TG: variants seen among roughly 807,000 people sequenced by gnomAD.
TG encodes thyroglobulin.
A neutral mutation model predicts 324.7 loss-of-function variants in TG; 270 were observed. The ratio of observed to expected loss-of-function variants is 0.83; its 90% CI spans 0.75 to 0.92. TG has a LOEUF of 0.92. Among genes scored for constraint, TG ranks in the 40% least tolerant of loss-of-function variants. The pLI is 0.00. For missense variants in TG, 3,591 were observed against 3,456.4 expected (o/e 1.04, Z -0.98); for synonymous variants, 1,401 against 1,327.0 (o/e 1.06, Z -1.21).
intron 18 of TG, among the ~76,000 whole-genome samples, chr8:132,908,566 C>T (rs1819030275): frequency 6.6e-6 from 1 of 152,016 alleles, no homozygotes; most frequent in South Asian, 2.1e-4. Flanking sequence ...CTGTTAGAAA[C>T]AATGTTAGTG....
At chr8:132,980,232 G>C (rs923217506) in intron 34 of TG, among the ~76,000 whole-genome samples, 1 of 152,092 alleles carries the variant, frequency 6.6e-6, no homozygotes, top group Admixed American at 6.5e-5. Flanking sequence ...AAAGACCAAG[G>C]CAAGAGTAGA....
intron 14 of TG, 79 bp downstream of exon 14, chr8:132,898,989 G>A (rs191422513): frequency 9.5e-5 from 117 of 1,225,382 alleles, no homozygotes; most frequent in Admixed American, 8.1e-4. Flanking sequence ...TGTTCAATAC[G>A]TTCAGCTTAG....
intron 35 of TG, 78 bp downstream of exon 35, chr8:132,983,490 TG>T: frequency 2.1e-6 from 3 of 1,409,372 alleles, no homozygotes; most frequent in Non-Finnish European, 2.0e-6. Flanking sequence ...CCCTTGCTTT[TG>T]TACAGAAGTT....
intron 45 of TG, among the ~76,000 whole-genome samples, chr8:133,122,532 T>C (rs1446133244): frequency 1.3e-5 from 2 of 152,182 alleles, no homozygotes; most frequent in Non-Finnish European, 2.9e-5. Context: ...CTAAACCCTA[T>C]TGAGTGCCTA....
intron 16 of TG, among the ~76,000 whole-genome samples, chr8:132,904,527 C>T (rs142305565): frequency 0.012 from 1,793 of 152,320 alleles, 24 homozygotes; most frequent in Non-Finnish European, 0.019. Flanking sequence ...CCTCCCTGGC[C>T]GTGGGGGCCA....
intron 45 of TG, among the ~76,000 whole-genome samples, chr8:133,122,069 C>T (rs1290497949): frequency 2.0e-5 from 3 of 152,152 alleles, no homozygotes; most frequent in Non-Finnish European, 2.9e-5. Flanking sequence ...CCATCTGTCT[C>T]GTACCTCCAT....
intron 35 of TG, chr8:133,002,983 C>T: frequency 9.8e-7 from 1 of 1,019,250 alleles, no homozygotes; most frequent in Non-Finnish European, 1.2e-6. Context: ...CTTACAGATT[C>T]ACATGTACCT....
intron 35 of TG, among the ~76,000 whole-genome samples, chr8:132,986,325 G>A (rs1030247298): frequency 1.7e-4 from 26 of 149,190 alleles, no homozygotes; most frequent in African/African-American, 5.7e-4. Context: ...GTGTGTGTGT[G>A]TATATATATA....
At chr8:132,905,764 G>A (rs1818582857) in intron 16 of TG, among the ~76,000 whole-genome samples, 1 of 152,126 alleles carries the variant, frequency 6.6e-6, no homozygotes, top group Non-Finnish European at 1.5e-5. Context: ...CAAAAGGAAG[G>A]TCTGTACCTG....
intron 46 of TG, 90 bp from the exon 47 acceptor site, chr8:133,133,380 C>T: frequency 7.7e-7 from 1 of 1,296,160 alleles, no homozygotes; most frequent in Non-Finnish European, 1.1e-6. Context: ...AATTGTCCCT[C>T]AGATACCGAG....
Position 133,019,677 on chromosome 8 carries a change from G to A in TG, c.6858G>A (p.Val2286=), listed in dbSNP as rs1174572620. The A allele has an allele frequency of 2.5e-6, 4 of 1,613,304 alleles. No homozygotes were observed. The Admixed American group carries it at 6.7e-5, about 27-fold the overall frequency. ...GTGAAGATTGTTTGTATCTCAATGT[G>A]TTCATCCCTCAGAATGTGGTGAGTT... is the stretch of plus-strand genomic sequence containing the variant. The part of the protein sequence containing the change: ...GVSEDCLYLN[V]FIPQNVAPNA... Residue 2286 remains valine, a synonymous_variant, in exon 39 of 48, where the codon GTG becomes GTA. Coordinates refer to ENST00000220616, the MANE Select transcript of TG (RefSeq NM_003235.5).
Position 132,919,474 on chromosome 8 carries a change from T to A in TG, c.4477T>A (p.Cys1493Ser). ...GGCAGGGAGCTTGGCCTGTGTCCCA[T>A]GTCCTGTGGGCAGAACGACCATTTC... ...EQAGSLACVP[C>S]PVGRTTISAG... Residue 1493 changes from cysteine to serine, a missense_variant, in exon 21 of 48, where the codon TGT (cysteine) becomes AGT (serine). Coordinates refer to ENST00000220616, the MANE Select transcript of TG (RefSeq NM_003235.5). 2 of 1,614,150 alleles carry A rather than the reference T, an allele frequency of 1.2e-6. No individual in the cohort carries two copies. Among genetic ancestry groups the A allele is most frequent in the African/African-American group, 1.3e-5 (1 of 75,052 alleles).
At position 133,025,043 on chromosome 8, in the gene TG, G is replaced by A. The variant is rs113700108; in HGVS notation, c.7036+2893G>A. ...TTTGCCTTCCTTCCTAGCCTGCCTC[G>A]TGTGTCCCACATTCCCAGACTTCCC... On this transcript the variant is annotated intron_variant, in intron 40 of 47. Transcript: ENST00000220616. 6.5e-3 allele frequency among the ~76,000 whole-genome samples: 988 copies of A among 152,254 alleles called. 6 individuals are homozygous for A. Among genetic ancestry groups the A allele is most frequent in the Non-Finnish European group, 9.4e-3 (642 of 68,012 alleles).
intron 41 of TG, among the ~76,000 whole-genome samples, chr8:133,081,283 G>A (rs112827292): frequency 6.6e-6 from 1 of 152,240 alleles, no homozygotes; most frequent in African/African-American, 2.4e-5. Context: ...GATGTGATCC[G>A]TAACTATCCC....
intron 5 of TG, among the ~76,000 whole-genome samples, chr8:132,876,522 G>A (rs542515021): frequency 7.3e-4 from 111 of 152,290 alleles, no homozygotes; most frequent in African/African-American, 2.5e-3. Context: ...CAGCTCATTC[G>A]CTGACCTGCT....
intron 44 of TG, among the ~76,000 whole-genome samples, chr8:133,113,838 G>A (rs1313790469): frequency 1.3e-5 from 2 of 152,102 alleles, no homozygotes; most frequent in East Asian, 3.9e-4. Context: ...GAAATGAGGG[G>A]GTGACTCTGG....
chr8:132,905,235 C>G (rs1818506800), intron 16 of TG, among the ~76,000 whole-genome samples: 2 of 152,202 alleles, frequency 1.3e-5, no homozygotes, highest in Admixed American at 1.3e-4. Context: ...GGACCCTGAA[C>G]TAGTGAATAT....
intron 26 of TG, 138 bp from the exon 27 acceptor site, chr8:132,948,638 T>C (rs1419461943): frequency 3.1e-6 from 3 of 974,638 alleles, no homozygotes; most frequent in Non-Finnish European, 4.9e-6. Context: ...AAAACCAGGC[T>C]CTTGAATTCT....
intron 41 of TG, among the ~76,000 whole-genome samples, chr8:133,041,664 T>A (rs976762380): frequency 6.6e-6 from 1 of 151,898 alleles, no homozygotes; most frequent in African/African-American, 2.4e-5. Context: ...ATACTCAGGG[T>A]GAAAAATACA....
Sources: allele counts gnomAD v4.1 joint callset (sites outside exome capture counted in the v4.1 genomes callset), GRCh38; gene constraint gnomAD v4.1.1; transcripts MANE v1.5; gene names NCBI Gene and HGNC (gene_info 2026-07-23, HGNC 2026-07-21).